Variants in TUSC3 observed in about 807,000 individuals in gnomAD.
The protein encoded by TUSC3 is tumor suppressor candidate 3.
A neutral mutation model predicts 44.8 loss-of-function variants in TUSC3; 45 were observed. That is an observed-to-expected ratio of 1.00 (90% CI 0.79 to 1.29). The LOEUF (loss-of-function observed/expected upper bound fraction) is 1.29. Among genes scored for constraint, TUSC3 ranks in the 50% most tolerant of loss-of-function variants. The pLI, the probability that TUSC3 is intolerant of heterozygous loss-of-function variation, is 0.00. For synonymous variants in TUSC3, 212 were observed against 152.9 expected, an observed-to-expected ratio of 1.39 and a Z score of -2.85; for missense variants, 519 against 437.9, an observed-to-expected ratio of 1.19 and a Z score of -1.65.
Position 15,570,833 on chromosome 8 carries a change from A to T in TUSC3, c.138+30265A>T, listed in dbSNP as rs2129143105. Among the ~76,000 whole-genome samples the T allele has an allele frequency of 1.3e-5, 2 of 152,132 alleles. 1 individual carries two copies. The highest frequency in any genetic ancestry group is 4.2e-4 in the South Asian group (2 of 4,812). ...TTCTCATACTGAAAGAAGAGAGTGA[A>T]TGCATACCTCTGGGGATGTGGAAGT... On this transcript the variant is annotated intron_variant, in intron 1 of 10. Transcript: ENST00000503731.
the TUSC3 span, among the ~76,000 whole-genome samples, chr8:15,802,428 C>A: frequency 2.0e-5 from 3 of 151,966 alleles, no homozygotes; most frequent in East Asian, 1.9e-4. Flanking sequence ...TGCAAAATTT[C>A]TTTTCTTTTT....
At chr8:15,792,162 A>G in the TUSC3 span, among the ~76,000 whole-genome samples, 2 of 151,816 alleles carry the variant, frequency 1.3e-5, no homozygotes, top group Admixed American at 1.3e-4. Context: ...CCCACCTTTA[A>G]TGGAAGTAAT....
rs76076413 is a variant in TUSC3, at chr8:15,702,240, A to G, written c.798+28404A>G. 5.4e-3 allele frequency among the ~76,000 whole-genome samples: 817 copies of G among 152,260 alleles called. 9 individuals carry two copies. Among genetic ancestry groups the G allele is most frequent in the African/African-American group, 0.019 (776 of 41,558 alleles). ...ATGGAAGAGACTCTAATGTTACCAA[A>G]GCCAGAATCTTCTGTTTGAGTAAGA... On this transcript the variant is annotated intron_variant, in intron 6 of 10. Transcript: ENST00000503731.
At chr8:15,479,551 C>A (rs548863441) in intron 1 of TUSC3, among the ~76,000 whole-genome samples, 2 of 152,104 alleles carry the variant, frequency 1.3e-5, no homozygotes, top group African/African-American at 4.8e-5. Flanking sequence ...ATCCTTTTCC[C>A]GTTGCTTATT....
chr8:15,730,115 A>G (rs1810657236), intron 6 of TUSC3, among the ~76,000 whole-genome samples: 1 of 152,148 alleles, frequency 6.6e-6, no homozygotes, highest in East Asian at 1.9e-4. Flanking sequence ...CTAGATGGAG[A>G]TTTGTGTTGG....
intron 1 of TUSC3, among the ~76,000 whole-genome samples, chr8:15,598,217 C>T (rs1413782675): frequency 1.3e-5 from 2 of 151,912 alleles, no homozygotes; most frequent in Non-Finnish European, 2.9e-5. Flanking sequence ...AAATGTTTAT[C>T]AATTAGTACA....
intron 1 of TUSC3, among the ~76,000 whole-genome samples, chr8:15,542,907 G>A (rs116505881): frequency 3.6e-4 from 55 of 152,270 alleles, no homozygotes; most frequent in African/African-American, 1.3e-3. Flanking sequence ...TTTCAAGACT[G>A]TACTTTCAGG....
intron 1 of TUSC3, among the ~76,000 whole-genome samples, chr8:15,561,064 G>T (rs1329024983): frequency 1.5e-5 from 2 of 130,996 alleles, no homozygotes; most frequent in Admixed American, 1.6e-4. Context: ...CGTTCCTTTG[G>T]AGGAGGAGAG....
At chr8:15,689,667 A>G (rs1808808217) in intron 6 of TUSC3, 2 of 152,368 alleles carry the variant, frequency 1.3e-5, no homozygotes, top group African/African-American at 4.8e-5. Context: ...GTCTATATGT[A>G]CTCAGTGTTT....
At chr8:15,785,347 A>G in the TUSC3 span, among the ~76,000 whole-genome samples, 2 of 152,236 alleles carry the variant, frequency 1.3e-5, no homozygotes, top group African/African-American at 4.8e-5. Flanking sequence ...AAGTCAAGAT[A>G]GAAATGATAA....
downstream of TUSC3, among the ~76,000 whole-genome samples, chr8:15,769,407 C>T (rs1812402484): frequency 6.6e-6 from 1 of 152,142 alleles, no homozygotes; most frequent in Non-Finnish European, 1.5e-5. Context: ...CCCTCCCTTA[C>T]ACCGTACACA....
chr8:15,443,066 T>C (rs1409003018), intron 1 of TUSC3, among the ~76,000 whole-genome samples: 1 of 152,224 alleles, frequency 6.6e-6, no homozygotes, highest in Non-Finnish European at 1.5e-5. Context: ...GTTTTTGCTA[T>C]CTTCAGAGTT....
At chr8:15,767,014 C>T (rs1812350535), downstream of TUSC3, among the ~76,000 whole-genome samples, 1 of 152,018 alleles carries the variant, frequency 6.6e-6, no homozygotes, top group Non-Finnish European at 1.5e-5. Flanking sequence ...AATAGTAAAA[C>T]AAGGTCTTCT....
chr8:15,532,673 C>A (rs1053874343), intron 2 of TUSC3, among the ~76,000 whole-genome samples: 3 of 152,130 alleles, frequency 2.0e-5, no homozygotes, highest in Non-Finnish European at 4.4e-5. Flanking sequence ...GTGTCCCCAC[C>A]CAAATCTCAT....
At chr8:15,633,535 A>C (rs1009776429) in intron 2 of TUSC3, among the ~76,000 whole-genome samples, 2 of 152,252 alleles carry the variant, frequency 1.3e-5, no homozygotes, top group Non-Finnish European at 2.9e-5. Context: ...ATACTCAGGC[A>C]GGGCAGGCCT....
the TUSC3 span, among the ~76,000 whole-genome samples, chr8:15,798,241 A>G: frequency 1.3e-5 from 2 of 152,220 alleles, no homozygotes; most frequent in African/African-American, 2.4e-5. Flanking sequence ...CCTTAAGGTC[A>G]TGTTAACCTT....
the TUSC3 span, among the ~76,000 whole-genome samples, chr8:15,820,800 T>G: frequency 6.6e-6 from 1 of 152,214 alleles, no homozygotes; most frequent in East Asian, 1.9e-4. Context: ...TTGGAAAGGC[T>G]TTAGATAACA....
At chr8:15,662,351 G>C in intron 5 of TUSC3, 55 bp downstream of exon 5, 1 of 1,602,292 alleles carries the variant, frequency 6.2e-7, no homozygotes, top group Non-Finnish European at 8.5e-7. Context: ...AATAATATAA[G>C]TTGTATAATA....
At chr8:15,505,643 C>G (rs1280866819) in intron 2 of TUSC3, among the ~76,000 whole-genome samples, 2 of 152,182 alleles carry the variant, frequency 1.3e-5, no homozygotes, top group South Asian at 2.1e-4. Context: ...CCTGGAGAAT[C>G]TGATTCAGCA....
Sources: gnomAD v4.1 joint callset for allele counts (sites outside exome capture counted in the v4.1 genomes callset) on GRCh38, gnomAD v4.1.1 for gene constraint, MANE v1.5 for transcripts, NCBI Gene and HGNC (gene_info 2026-07-23, HGNC 2026-07-21) for gene names.